The following PCDHA10 variants were observed in gnomAD, a reference collection of about 807,000 sequenced individuals.
PCDHA10 encodes the protein protocadherin alpha 10, also known as protocadherin alpha-10.
PCDHA10 carries 45 observed loss-of-function variants against 61.2 expected under a neutral mutation model. The observed-to-expected ratio is 0.74, with a 90% CI of 0.58 to 0.94. The LOEUF (loss-of-function observed/expected upper bound fraction) is 0.94, where lower values mean the gene tolerates loss of function less well. PCDHA10 is among the 40% of genes least tolerant of loss of function. The probability of loss-of-function intolerance (pLI) is 0.00; values close to 1 mark genes in which losing one functional copy is unlikely to be tolerated. For synonymous variants in PCDHA10, 602 were observed against 548.8 expected, an observed-to-expected ratio of 1.10 and a Z score of -1.35; for missense variants, 1,278 against 1,236.2, an observed-to-expected ratio of 1.03 and a Z score of -0.51.
At chr5:140,975,022 G>A (rs2096650178) in intron 1 of PCDHA10, among the ~76,000 whole-genome samples, 2 of 152,188 alleles carry the variant, frequency 1.3e-5, no homozygotes, top group Admixed American at 1.3e-4. Context: ...GCTGGGCTGT[G>A]TTGTCCTTTG....
intron 3 of PCDHA10, among the ~76,000 whole-genome samples, chr5:140,998,707 A>G (rs1230153468): frequency 6.6e-6 from 1 of 151,942 alleles, no homozygotes; most frequent in African/African-American, 2.4e-5. Flanking sequence ...TGGGATTACA[A>G]GCTTGCACCA....
At chr5:141,007,688 C>A (rs1554261446) in intron 3 of PCDHA10, among the ~76,000 whole-genome samples, 1 of 152,170 alleles carries the variant, frequency 6.6e-6, no homozygotes, top group Admixed American at 6.5e-5. Flanking sequence ...ATCCTACTTC[C>A]ACCTCCCTCC....
chr5:140,891,748 C>G (rs575198849), intron 1 of PCDHA10, among the ~76,000 whole-genome samples: 2 of 152,242 alleles, frequency 1.3e-5, no homozygotes, highest in African/African-American at 4.8e-5. Flanking sequence ...CCTTATACAA[C>G]AGTGTTGGGA....
chr5:140,870,695 A>C, intron 1 of PCDHA10: 1 of 1,613,024 alleles, frequency 6.2e-7, no homozygotes, highest in East Asian at 2.2e-5. Context: ...GAGCTGCTAC[A>C]GTTCCAGGTG....
At chr5:140,928,594 G>A in intron 1 of PCDHA10, 1 of 1,614,204 alleles carries the variant, frequency 6.2e-7, no homozygotes, top group Non-Finnish European at 8.5e-7. Context: ...TGTCCCAGTG[G>A]AAATTGTGCC....
In PCDHA10 at chr5:141,012,190, T is replaced by C. The variant is rs1002658582; in HGVS notation, c.*2253T>C. On this transcript the variant is annotated 3_prime_UTR_variant, in exon 4 of 4. Transcript: ENST00000307360. ...TTAATGATGATAATTATAATGTATCTGTACAGCACTTTTTACATTTGCGAA... is the reference window on the plus strand; with the variant it reads ...TTAATGATGATAATTATAATGTATCCGTACAGCACTTTTTACATTTGCGAA... The C allele has an allele frequency of 2.0e-5, 3 of 153,780 alleles. No homozygotes were observed. Among genetic ancestry groups the C allele is most frequent in the African/African-American group, 7.2e-5 (3 of 41,458 alleles). 9.5% of individuals were successfully genotyped at this position (153,780 alleles called of 1,614,324 possible).
chr5:140,865,248 G>C (rs2048793700), intron 1 of PCDHA10: 1 of 152,148 alleles, frequency 6.6e-6, no homozygotes, highest in Non-Finnish European at 1.5e-5. Context: ...ATTTATAGCT[G>C]TAAGGATGTG....
At chr5:140,871,443 T>C (rs1192118860) in intron 1 of PCDHA10, 13 of 1,610,650 alleles carry the variant, frequency 8.1e-6, no homozygotes, top group African/African-American at 1.3e-5. Flanking sequence ...TAGGTCTGAA[T>C]AAAGAGGAGG....
At chr5:141,005,632 G>C (rs2098225457) in intron 3 of PCDHA10, among the ~76,000 whole-genome samples, 2 of 148,162 alleles carry the variant, frequency 1.3e-5, no homozygotes, top group Non-Finnish European at 3.0e-5. Context: ...AACCCGGGAG[G>C]CGGAGCTTGC....
intron 1 of PCDHA10, among the ~76,000 whole-genome samples, chr5:140,890,446 T>A (rs1554184296): frequency 6.6e-6 from 1 of 152,228 alleles, no homozygotes; most frequent in Non-Finnish European, 1.5e-5. Context: ...CCTAGTGATA[T>A]CTTTAGGCAC....
At chr5:140,946,867 G>A (rs1194586546) in intron 1 of PCDHA10, among the ~76,000 whole-genome samples, 1 of 151,282 alleles carries the variant, frequency 6.6e-6, no homozygotes, top group Non-Finnish European at 1.5e-5. Context: ...GGAGAGGTTG[G>A]TCAATGGGTA....
chr5:140,863,664 A>ATTTTGC (rs1331349828), intron 1 of PCDHA10: 1 of 285,864 alleles, frequency 3.5e-6, no homozygotes, highest in Non-Finnish European at 6.9e-6. Flanking sequence ...TGCTTTATTT[A>ATTTTGC]TTTTGCTTTT....
chr5:140,877,224 G>T, intron 1 of PCDHA10: 1 of 1,613,712 alleles, frequency 6.2e-7, no homozygotes, highest in Non-Finnish European at 8.5e-7. Flanking sequence ...TACCGCGGTC[G>T]GTGGGTGCGG....
chr5:140,869,204 C>G (rs199956165), intron 1 of PCDHA10: 29 of 1,613,960 alleles, frequency 1.8e-5, no homozygotes, highest in Non-Finnish European at 2.4e-5. Flanking sequence ...CTCCACTACT[C>G]CGTCTCGGAG....
intron 1 of PCDHA10, among the ~76,000 whole-genome samples, chr5:140,962,347 C>A (rs191780691): frequency 1.7e-4 from 26 of 152,244 alleles, no homozygotes; most frequent in African/African-American, 5.3e-4. Flanking sequence ...AAGTAAAACT[C>A]CCCCCAATAC....
rs187345731 is a variant in PCDHA10, at chr5:140,885,533, C to T, written c.2388+27097C>T. Among the ~76,000 whole-genome samples, 472 of 152,120 alleles carry T rather than the reference C, an allele frequency of 3.1e-3. 3 individuals carry two copies. Among genetic ancestry groups the T allele is most frequent in the Middle Eastern group, 0.014 (4 of 294 alleles). On this transcript the variant is annotated intron_variant, in intron 1 of 3. Coordinates refer to ENST00000307360, the MANE Select transcript of PCDHA10 (RefSeq NM_018901.4). Reference sequence around the variant, plus strand: ...CTGTGCTATCATTTCATATATTTCCCAAAATATTGGTGTTATTTCTACGAA... The same window carrying T: ...CTGTGCTATCATTTCATATATTTCCTAAAATATTGGTGTTATTTCTACGAA...
intron 1 of PCDHA10, among the ~76,000 whole-genome samples, chr5:140,881,010 T>C (rs782629592): frequency 5.3e-5 from 8 of 152,198 alleles, no homozygotes; most frequent in South Asian, 4.1e-4. Flanking sequence ...AGCAGAGCTA[T>C]GGAAATAAAC....
In PCDHA10 at chr5:140,946,631, T is replaced by TATATATATATATATATATATAC. The variant is rs57893927; in HGVS notation, c.2389-32317_2389-32316insTATATATATATATATATATACA. 3.0e-3 allele frequency among the ~76,000 whole-genome samples: 389 copies of TATATATATATATATATATATAC among 131,774 alleles called. 27 individuals are homozygous for TATATATATATATATATATATAC. The highest frequency in any genetic ancestry group is 0.013 in the African/African-American group (369 of 28,648). 86.4% of individuals were successfully genotyped at this position (131,774 alleles called of 152,430 possible). A position where few individuals can be genotyped will look rare whatever the true frequency, so the allele number is the denominator to read the frequency against. ...TGTGAAATATATATATATATATATA[T>TATATATATATATATATATATAC]ACAATGGAATACTCATCAGCCATTA... On this transcript the variant is annotated intron_variant, in intron 1 of 3. Coordinates refer to ENST00000307360, the MANE Select transcript of PCDHA10 (RefSeq NM_018901.4).
chr5:140,886,827 GAA>G (rs782016620), intron 1 of PCDHA10, among the ~76,000 whole-genome samples: 14 of 60,910 alleles, frequency 2.3e-4, no homozygotes, highest in Non-Finnish European at 3.3e-4. Context: ...ACTTCGTCTT[GAA>G]AAAAAAAAAA....
Sources: gnomAD v4.1 joint callset for allele counts (sites outside exome capture counted in the v4.1 genomes callset) on GRCh38, gnomAD v4.1.1 for gene constraint, MANE v1.5 for transcripts, NCBI Gene and HGNC (gene_info 2026-07-23, HGNC 2026-07-21) for gene names.